Variants in SQSTM1 observed in about 807,000 individuals in gnomAD.
SQSTM1 encodes the protein sequestosome-1.
A neutral mutation model predicts 45.1 loss-of-function variants in SQSTM1; 36 were observed. That is an observed-to-expected ratio of 0.80 (90% confidence interval 0.61 to 1.05). SQSTM1 has a LOEUF of 1.05. Ranked by LOEUF, SQSTM1 falls within the 50% of genes least tolerant of loss-of-function variation. The pLI is 0.00. For synonymous variants in SQSTM1, 290 were observed against 244.3 expected (o/e 1.19, Z -1.74); for missense variants, 617 against 607.1 (o/e 1.02, Z -0.17).
chr5:179,824,415 A>G (rs1228128373), intron 4 of SQSTM1, 92 bp downstream of exon 4: 9 of 1,575,394 alleles, frequency 5.7e-6, no homozygotes, highest in Non-Finnish European at 7.8e-6. Flanking sequence ...GTGCAAGGCA[A>G]GAATTCAGGA....
At chr5:179,828,571 T>C (rs1758095098) in intron 5 of SQSTM1, among the ~76,000 whole-genome samples, 1 of 152,010 alleles carries the variant, frequency 6.6e-6, no homozygotes, top group Non-Finnish European at 1.5e-5. Context: ...ACGAGGTTTC[T>C]CTGTGTTGGT....
Position 179,836,840 on chromosome 5 carries a change from G to T in SQSTM1, c.*247G>T. 1 of 654,292 alleles carries T rather than the reference G, an allele frequency of 1.5e-6. No homozygotes were observed. Among genetic ancestry groups the T allele is most frequent in the East Asian group, 2.7e-5 (1 of 36,912 alleles). 40.5% of individuals were successfully genotyped at this position (654,292 alleles called of 1,614,324 possible). On this transcript the variant is annotated 3_prime_UTR_variant, in exon 8 of 8. Transcript: ENST00000389805. ...CAGGGCTGGGCCTGCGAGACCCAAG[G>T]CTCACTGCAGCGCGCTCCTGACCCC...
chr5:179,835,718 G>C (rs1273519190), intron 7 of SQSTM1: 1 of 155,984 alleles, frequency 6.4e-6, no homozygotes, highest in African/African-American at 2.4e-5. Context: ...TTATGTCTTT[G>C]CATCATCATA....
At chr5:179,815,614 CCTG>C (rs1390423720), upstream of SQSTM1, among the ~76,000 whole-genome samples, 2 of 152,130 alleles carry the variant, frequency 1.3e-5, no homozygotes, top group Admixed American at 6.5e-5. Flanking sequence ...CCCCAAGGCT[CCTG>C]CTTCCAGATG....
At chr5:179,828,963 T>TGA (rs1758106416) in intron 5 of SQSTM1, among the ~76,000 whole-genome samples, 1 of 151,510 alleles carries the variant, frequency 6.6e-6, no homozygotes, top group South Asian at 2.1e-4. Context: ...GGCATCCTGG[T>TGA]GAGAAGGAAG....
rs201591177 is a variant in SQSTM1, at chr5:179,833,700, C to T, written c.1083C>T (p.Ser361=). ...GELQSLQMPE[S]EGPSSLDPSQ... ...TCCAGTCCCTACAGATGCCAGAATCCGAAGGGCCAAGCTCTCTGGACCCCT... is the reference window on the plus strand; with the variant it reads ...TCCAGTCCCTACAGATGCCAGAATCTGAAGGGCCAAGCTCTCTGGACCCCT... The change falls in exon 7 of 8, where the codon TCC becomes TCT. Residue 361 remains serine (S), a synonymous_variant. Transcript: ENST00000389805. 1.0e-4 allele frequency: 167 copies of T among 1,614,144 alleles called. No individual in the cohort carries two copies. Among genetic ancestry groups the T allele is most frequent in the Middle Eastern group, 6.6e-4 (4 of 6,062 alleles).
chr5:179,831,420 G>C (rs910695056), intron 5 of SQSTM1, among the ~76,000 whole-genome samples: 2 of 152,176 alleles, frequency 1.3e-5, no homozygotes, highest in Admixed American at 1.3e-4. Flanking sequence ...CAAGCACTTT[G>C]GGAGGCCAAG....
In SQSTM1 at chr5:179,836,449, G is replaced by A. The variant is rs1288085665; in HGVS notation, c.1179G>A (p.Arg393=). 1 of 1,614,188 alleles carries A rather than the reference G, an allele frequency of 6.2e-7. No individual in the cohort carries two copies. The highest frequency in any genetic ancestry group is 2.2e-5 in the East Asian group (1 of 44,882). The part of the protein sequence containing the change: ...YPHLPPEADP[R]LIESLSQMLS... ...CTGTTTCGGCAGAGGCTGACCCGCGGCTGATTGAGTCCCTCTCCCAGATGC... is the reference window on the plus strand; with the variant it reads ...CTGTTTCGGCAGAGGCTGACCCGCGACTGATTGAGTCCCTCTCCCAGATGC... The change falls in exon 8 of 8, where the codon CGG becomes CGA. Residue 393 remains arginine (R), a synonymous_variant. Transcript: ENST00000389805.
At chr5:179,825,377 C>A (rs1757949735) in intron 5 of SQSTM1, 151 bp downstream of exon 5, 2 of 739,714 alleles carry the variant, frequency 2.7e-6, no homozygotes, top group Non-Finnish European at 4.7e-6. Context: ...AGTGCTGGAC[C>A]ACGGGCAACT....
At chr5:179,818,604 C>T (rs1270677985), upstream of SQSTM1, among the ~76,000 whole-genome samples, 1 of 152,156 alleles carries the variant, frequency 6.6e-6, no homozygotes, top group Non-Finnish European at 1.5e-5. Context: ...GACCACTGGG[C>T]GCTTGGCTCA....
At chr5:179,811,397 CAGGGGGAGGAGCTATGCA>C (rs1444153143) in intron 1 of SQSTM1, among the ~76,000 whole-genome samples, 54 of 22,336 alleles carry the variant, frequency 2.4e-3, no homozygotes, top group African/African-American at 8.6e-3. Context: ...AGGAGCTATG[CAGGGGGAGGAGCTATGCA>C]GGGGGGAGGA....
chr5:179,832,907 T>A lies in SQSTM1; in HGVS notation c.755-125T>A, dbSNP rs543730733. The A allele has an allele frequency of 1.2e-4, 119 of 980,542 alleles. No homozygotes were observed. In the African/African-American group the frequency reaches 1.4e-3, roughly 12 times the overall value. The allele number at this position is 980,542 out of a possible 1,614,324, so 60.7% of individuals were successfully genotyped here. A position where few individuals can be genotyped will look rare whatever the true frequency, so the allele number is the denominator to read the frequency against. ...CGCTGAGTGCCACCATCCAGACACT[T>A]AGCTGCTTGTGGGGACTGAACGTTG... On this transcript the variant is annotated intron_variant, in intron 5 of 7. Transcript: ENST00000389805.
intron 1 of SQSTM1, chr5:179,808,433 T>A (rs957815189): frequency 2.0e-5 from 3 of 152,346 alleles, no homozygotes; most frequent in Admixed American, 2.0e-4. Context: ...CACAGGTGTC[T>A]TCTATTTGTG....
intron 5 of SQSTM1, among the ~76,000 whole-genome samples, chr5:179,826,793 G>A (rs577512195): frequency 3.6e-4 from 54 of 151,140 alleles, no homozygotes; most frequent in Admixed American, 7.9e-4. Context: ...TAGAGACGGG[G>A]TTTCACTGTG....
At chr5:179,823,361 G>A (rs1014310429) in intron 2 of SQSTM1, among the ~76,000 whole-genome samples, 1 of 139,136 alleles carries the variant, frequency 7.2e-6, no homozygotes, top group Non-Finnish European at 1.5e-5. Context: ...AGCTACTCAG[G>A]AGGCTGAGAC....
rs1757164936 is a variant in SQSTM1 at position 179,806,484 on chromosome 5, C to T, written c.-264C>T. The T allele has an allele frequency of 1.5e-6, 2 of 1,292,030 alleles. No homozygotes were observed. The highest frequency in any genetic ancestry group is 5.5e-5 in the Admixed American group (2 of 36,526). 80.0% of individuals were successfully genotyped at this position (1,292,030 alleles called of 1,614,324 possible). A position where few individuals can be genotyped will look rare whatever the true frequency, so the allele number is the denominator to read the frequency against. ...GTGCGGGCCGGGCGGGGGTCGCGCT[C>T]ACCTTTCTGGCCGCTGAGTGCCGCG... On this transcript the variant is annotated 5_prime_UTR_variant, in exon 1 of 6. Coordinates refer to the SQSTM1 transcript ENST00000514093. This position sits in a 1 kb window ranked among gnomAD's most constrained non-coding sequence, Gnocchi z 4.6.
In SQSTM1 at chr5:179,824,198, G is replaced by A. The variant is rs535606152; in HGVS notation, c.548G>A (p.Arg183His). 2.0e-5 allele frequency: 32 copies of A among 1,613,712 alleles called. No individual in the cohort carries two copies. The East Asian group carries it at 4.9e-4, about 25-fold the overall frequency. ...CTCCCCCAGGGCTTCTCGCACAGCCGCTGGCTCCGGAAGGTGAAACACGGA... is the reference window on the plus strand; with the variant it reads ...CTCCCCCAGGGCTTCTCGCACAGCCACTGGCTCCGGAAGGTGAAACACGGA... ...GHLSEGFSHS[R>H]WLRKVKHGHF... is the part of the protein sequence containing the mutation. The change falls in exon 4 of 8, where the codon CGC becomes CAC. Residue 183 changes from arginine (R) to histidine (H), a missense_variant. Physicochemically the swap from Arg to His is conservative, Grantham distance 29. Transcript: ENST00000389805.
In SQSTM1 at chr5:179,833,266, G is replaced by A. The variant is rs199696608; in HGVS notation, c.969+20G>A. 8.4e-5 allele frequency: 130 copies of A among 1,554,396 alleles called. No homozygotes were observed. In the African/African-American group the frequency reaches 1.4e-3, roughly 17 times the overall value. On this transcript the variant is annotated intron_variant, in intron 6 of 7. Coordinates refer to ENST00000389805, the MANE Select transcript of SQSTM1 (RefSeq NM_003900.5). ...CCTGAGGCAAGCCTGTGCCCCTCCC[G>A]CCACCTGGGACCACGGCCAGCCTAG...
chr5:179,816,774 TC>T (rs1757592900), upstream of SQSTM1, among the ~76,000 whole-genome samples: 2 of 124,084 alleles, frequency 1.6e-5, no homozygotes, highest in South Asian at 2.5e-4. Flanking sequence ...CCAGCCCCCC[TC>T]CCTACTCCTT....
Sources: allele counts gnomAD v4.1 joint callset (sites outside exome capture counted in the v4.1 genomes callset), GRCh38; gene constraint gnomAD v4.1.1; non-coding constraint Gnocchi (gnomAD v3.1); transcripts MANE v1.5; gene names NCBI Gene and HGNC (gene_info 2026-07-23, HGNC 2026-07-21).